The following STXBP5L variants were observed in gnomAD, a reference collection of about 807,000 sequenced individuals.
STXBP5L encodes the protein syntaxin-binding protein 5-like.
In STXBP5L, 65 loss-of-function variants were observed where a neutral mutation model predicts 144.5. That is an observed-to-expected ratio of 0.45 (90% CI 0.37 to 0.55). STXBP5L has a LOEUF of 0.55. STXBP5L is among the 20% of genes least tolerant of loss of function. The probability of loss-of-function intolerance (pLI) is 0.00; values close to 1 mark genes in which losing one functional copy is unlikely to be tolerated. For synonymous variants in STXBP5L, 505 were observed against 469.6 expected, an observed-to-expected ratio of 1.08 and a Z score of -0.97; for missense variants, 1,298 against 1,405.5, an observed-to-expected ratio of 0.92 and a Z score of 1.22.
intron 23 of STXBP5L, among the ~76,000 whole-genome samples, chr3:121,410,002 A>C (rs1220075861): frequency 1.3e-5 from 2 of 151,864 alleles, no homozygotes; most frequent in Non-Finnish European, 2.9e-5. Context: ...GTCAAGGGAA[A>C]GTAGTAAAGG....
chr3:120,978,614 A>G (rs899458323), intron 3 of STXBP5L, among the ~76,000 whole-genome samples: 10 of 152,152 alleles, frequency 6.6e-5, no homozygotes, highest in Non-Finnish European at 1.5e-4. Flanking sequence ...GGAGGATGAG[A>G]GGCACTCTGC....
intron 22 of STXBP5L, among the ~76,000 whole-genome samples, chr3:121,383,258 G>A (rs2046358372): frequency 6.6e-6 from 1 of 152,024 alleles, no homozygotes; most frequent in Admixed American, 6.6e-5. Flanking sequence ...GCAGCATAAT[G>A]AGACCCCATC....
intron 20 of STXBP5L, among the ~76,000 whole-genome samples, chr3:121,344,931 A>T (rs1435985668): frequency 1.3e-5 from 2 of 150,264 alleles, no homozygotes; most frequent in African/African-American, 2.4e-5. Context: ...TGTATATAAG[A>T]TTATAAGATC....
intron 3 of STXBP5L, among the ~76,000 whole-genome samples, chr3:120,970,986 A>G (rs1367957901): frequency 1.3e-5 from 2 of 152,132 alleles, no homozygotes; most frequent in Non-Finnish European, 2.9e-5. Flanking sequence ...ACTTACAGTG[A>G]GCACCAAATG....
intron 3 of STXBP5L, among the ~76,000 whole-genome samples, chr3:120,960,765 TG>T (rs1938685391): frequency 1.5e-5 from 2 of 136,940 alleles, no homozygotes; most frequent in South Asian, 4.7e-4. Flanking sequence ...TGTTGTGGGG[TG>T]GGGGCAGGGG....
At chr3:121,351,246 T>C (rs866002503) in intron 20 of STXBP5L, among the ~76,000 whole-genome samples, 1 of 152,146 alleles carries the variant, frequency 6.6e-6, no homozygotes, top group Non-Finnish European at 1.5e-5. Flanking sequence ...TTTGCCTGGG[T>C]ATCAGCAACA....
At chr3:121,177,591 C>T (rs2046985333) in intron 9 of STXBP5L, among the ~76,000 whole-genome samples, 1 of 152,104 alleles carries the variant, frequency 6.6e-6, no homozygotes, top group South Asian at 2.1e-4. Context: ...AGGATGATTA[C>T]TGTCAAAAAC....
At chr3:120,958,913 G>A (rs577994188) in intron 3 of STXBP5L, among the ~76,000 whole-genome samples, 61 of 152,184 alleles carry the variant, frequency 4.0e-4, no homozygotes, top group African/African-American at 1.2e-3. Flanking sequence ...AGGGCAATTA[G>A]GCAGGAGAAG....
chr3:120,957,628 T>C (rs1938193600), intron 3 of STXBP5L, among the ~76,000 whole-genome samples: 1 of 151,910 alleles, frequency 6.6e-6, no homozygotes, highest in Admixed American at 6.6e-5. Context: ...GTATTAGTTC[T>C]TTAAATGTTT....
intron 3 of STXBP5L, among the ~76,000 whole-genome samples, chr3:120,997,845 C>G (rs1943470472): frequency 6.6e-6 from 1 of 152,054 alleles, no homozygotes; most frequent in South Asian, 2.1e-4. Flanking sequence ...GAAATAGAAG[C>G]AAACTGAATT....
chr3:121,000,096 T>A (rs543935270), intron 3 of STXBP5L, among the ~76,000 whole-genome samples: 1 of 152,198 alleles, frequency 6.6e-6, no homozygotes, highest in South Asian at 2.1e-4. Flanking sequence ...TTGGGGGTGG[T>A]CATCTTGCAT....
At chr3:121,195,779 C>CATCATTT (rs1468370652) in intron 9 of STXBP5L, among the ~76,000 whole-genome samples, 5 of 152,206 alleles carry the variant, frequency 3.3e-5, no homozygotes, top group South Asian at 2.1e-4. Context: ...CTTTCCAATC[C>CATCATTT]CTAATGATGC....
At chr3:121,323,025 A>G (rs1386620458) in intron 20 of STXBP5L, among the ~76,000 whole-genome samples, 1 of 151,998 alleles carries the variant, frequency 6.6e-6, no homozygotes, top group Admixed American at 6.6e-5. Context: ...TCTTTTGCCT[A>G]CTCTTAATGG....
intron 5 of STXBP5L, among the ~76,000 whole-genome samples, chr3:121,074,282 T>C (rs2041930091): frequency 6.6e-6 from 1 of 152,202 alleles, no homozygotes; most frequent in Non-Finnish European, 1.5e-5. Context: ...CCACAGGAAT[T>C]CACCCAAGCA....
chr3:121,090,929 TCC>T (rs1181583743), intron 5 of STXBP5L, among the ~76,000 whole-genome samples: 1 of 56,422 alleles, frequency 1.8e-5, no homozygotes, highest in Non-Finnish European at 3.0e-5. Flanking sequence ...CCCTCCCCCC[TCC>T]CCCCACCCCA....
chr3:121,194,895 T>A (rs932342484), intron 9 of STXBP5L, among the ~76,000 whole-genome samples: 2 of 147,124 alleles, frequency 1.4e-5, no homozygotes, highest in African/African-American at 2.5e-5. Flanking sequence ...CTGAGATAGG[T>A]CCCTCTTTTC....
intron 3 of STXBP5L, among the ~76,000 whole-genome samples, chr3:121,004,072 TC>T (rs1232145100): frequency 6.6e-6 from 1 of 152,120 alleles, no homozygotes; most frequent in Non-Finnish European, 1.5e-5. Context: ...AGTAGTTTTT[TC>T]CAATTCTGTG....
chr3:121,361,649 C>G (rs539285567), intron 20 of STXBP5L, among the ~76,000 whole-genome samples: 2 of 151,948 alleles, frequency 1.3e-5, no homozygotes, highest in African/African-American at 4.8e-5. Flanking sequence ...TTGATTATTT[C>G]AATCTCTTGT....
chr3:121,067,209 C>G (rs1358173126), intron 5 of STXBP5L, among the ~76,000 whole-genome samples: 1 of 151,766 alleles, frequency 6.6e-6, no homozygotes, highest in African/African-American at 2.4e-5. Flanking sequence ...TGTCTTTTAA[C>G]TAGATTAATG....
Sources: allele counts gnomAD v4.1 joint callset (sites outside exome capture counted in the v4.1 genomes callset), GRCh38; gene constraint gnomAD v4.1.1; transcripts MANE v1.5; gene names NCBI Gene and HGNC (gene_info 2026-07-23, HGNC 2026-07-21).